GAK: variants seen among roughly 807,000 people sequenced by gnomAD.
The protein encoded by GAK is cyclin G associated kinase, also known as cyclin-G-associated kinase.
In GAK, 79 loss-of-function variants were observed where a neutral mutation model predicts 143.9. The ratio of observed to expected loss-of-function variants is 0.55; its 90% CI spans 0.46 to 0.66. The LOEUF (loss-of-function observed/expected upper bound fraction) is 0.66. Among genes scored for constraint, GAK ranks in the 30% least tolerant of loss-of-function variants. The pLI is 0.00. For missense variants in GAK, 1,693 were observed against 1,779.7 expected, an observed-to-expected ratio of 0.95 and a Z score of 0.88; for synonymous variants, 881 against 765.5, an observed-to-expected ratio of 1.15 and a Z score of -2.49.
intron 1 of GAK, among the ~76,000 whole-genome samples, chr4:928,901 C>CT (rs1323591978): frequency 6.6e-6 from 1 of 152,138 alleles, no homozygotes; most frequent in Admixed American, 6.5e-5. Flanking sequence ...GTAGCTGGGA[C>CT]TACAGGCATG....
At chr4:854,633 C>T (rs1478026130) in intron 24 of GAK, among the ~76,000 whole-genome samples, 1 of 152,222 alleles carries the variant, frequency 6.6e-6, no homozygotes, top group Non-Finnish European at 1.5e-5. Flanking sequence ...GGCCTGAGTC[C>T]TCTCTTCTCT....
At position 876,594 on chromosome 4, in the gene GAK, T is replaced by A; in HGVS notation, c.1990A>T (p.Met664Leu). ...CCCGTGTGGAACTGAATCTGGAACA[T>A]CTTCATGGATGCCATCTGCAAAGAG... is the stretch of plus-strand genomic sequence containing the variant. The part of the protein sequence containing the change: ...RLQAKMASMK[M>L]FQIQFHTGFV... Residue 664 changes from methionine to leucine, a missense_variant, in exon 18 of 28, where the codon ATG (methionine) becomes TTG (leucine). Transcript: ENST00000314167. 1 of 1,614,064 alleles carries A rather than the reference T, an allele frequency of 6.2e-7. No individual in the cohort carries two copies. The highest frequency in any genetic ancestry group is 8.5e-7 in the Non-Finnish European group (1 of 1,180,010).
chr4:872,966 C>T (rs977525363), intron 18 of GAK, among the ~76,000 whole-genome samples: 14 of 152,180 alleles, frequency 9.2e-5, no homozygotes, highest in African/African-American at 3.1e-4. Context: ...ACACGCCTCT[C>T]GCCCAGGCAC....
chr4:856,032 T>G (rs1485037170), intron 24 of GAK, among the ~76,000 whole-genome samples: 2 of 152,156 alleles, frequency 1.3e-5, no homozygotes, highest in Non-Finnish European at 2.9e-5. Context: ...CAGACTGGAG[T>G]GCAGTGATGC....
intron 24 of GAK, among the ~76,000 whole-genome samples, chr4:855,739 G>T (rs1749015461): frequency 6.6e-6 from 1 of 152,144 alleles, no homozygotes; most frequent in Non-Finnish European, 1.5e-5. Context: ...GAGGTCACTT[G>T]AGATCAGGAG....
chr4:865,358 C>T, intron 22 of GAK, 114 bp from the exon 23 acceptor site: 1 of 1,355,484 alleles, frequency 7.4e-7, no homozygotes, highest in South Asian at 1.2e-5. Flanking sequence ...TGCACCCAGG[C>T]TGAGCTGAGG....
At chr4:925,845 C>A (rs1159475118) in intron 1 of GAK, among the ~76,000 whole-genome samples, 1 of 152,228 alleles carries the variant, frequency 6.6e-6, no homozygotes, top group East Asian at 1.9e-4. Context: ...TTATAGGCCC[C>A]CAGTGTACGA....
chr4:926,133 C>A (rs545703099), intron 1 of GAK, among the ~76,000 whole-genome samples: 1 of 151,738 alleles, frequency 6.6e-6, no homozygotes, highest in Non-Finnish European at 1.5e-5. Flanking sequence ...GTGACCTCCC[C>A]GAACGTCTAA....
chr4:851,866 C>T lies in GAK; in HGVS notation c.3392G>A (p.Trp1131Ter). Reference protein sequence around the residue: ...TSRPPAQGASWPPQAKPPPKA... With the variant: ...TSRPPAQGAS ...GGGGGGCGGCTTGGCCTGAGGGGGC[C>T]ATGAGGCGCCCTGGGCTGGCGGCCG... Residue 1131 changes from tryptophan (W) to a stop codon, truncating the protein, a stop_gained, in exon 25 of 28, where the codon TGG becomes TAG. Coordinates refer to ENST00000314167, the MANE Select transcript of GAK (RefSeq NM_005255.4). LOFTEE classifies it high-confidence loss of function. 1 of 1,609,140 alleles carries T rather than the reference C, an allele frequency of 6.2e-7. No homozygotes were observed. The highest frequency in any genetic ancestry group is 1.7e-5 in the Admixed American group (1 of 59,482).
intron 15 of GAK, 77 bp from the exon 16 acceptor site, chr4:877,886 G>A (rs1232689466): frequency 1.5e-6 from 2 of 1,353,812 alleles, no homozygotes; most frequent in Non-Finnish European, 2.0e-6. Flanking sequence ...CTTTCGAATA[G>A]AAGTTTTTCA....
chr4:850,309 C>T, intron 26 of GAK: 1 of 435,890 alleles, frequency 2.3e-6, no homozygotes, highest in Non-Finnish European at 4.1e-6. Flanking sequence ...CTCGTCTCAG[C>T]CAGATGTTCA....
At chr4:852,108 C>G in intron 24 of GAK, 134 bp from the exon 25 acceptor site, 1 of 797,564 alleles carries the variant, frequency 1.3e-6, no homozygotes, top group South Asian at 1.6e-5. Context: ...CGAGGCCGTC[C>G]AGAGGTGCCG....
At chr4:916,271 T>C (rs1371434092) in intron 1 of GAK, among the ~76,000 whole-genome samples, 1 of 152,238 alleles carries the variant, frequency 6.6e-6, no homozygotes, top group East Asian at 1.9e-4. Context: ...CAATTTTTTT[T>C]TCTTCTGAGA....
Position 857,009 on chromosome 4 carries a change from CAT to C in GAK, c.3283+2595_3283+2596del, listed in dbSNP as rs1260968353. Among the ~76,000 whole-genome samples the C allele has an allele frequency of 3.3e-5, 5 of 152,350 alleles. No individual in the cohort carries two copies. In the East Asian group the frequency reaches 7.7e-4, roughly 23 times the overall value. Reference sequence around the variant, plus strand: ...CTTTTCTGCCTTGTTGATGTGACCACATGACTCTTCAGCCAGTTAATATGATA... The same window carrying C: ...CTTTTCTGCCTTGTTGATGTGACCACGACTCTTCAGCCAGTTAATATGATA... On this transcript the variant is annotated intron_variant, in intron 24 of 27. Coordinates refer to ENST00000314167, the MANE Select transcript of GAK (RefSeq NM_005255.4).
chr4:883,323 G>A lies in GAK; in HGVS notation c.1396C>T (p.His466Tyr). The A allele has an allele frequency of 6.2e-7, 1 of 1,613,318 alleles. No individual in the cohort carries two copies. Among genetic ancestry groups the A allele is most frequent in the Non-Finnish European group, 8.5e-7 (1 of 1,179,940 alleles). Residue 466 changes from histidine to tyrosine, a missense_variant, in exon 13 of 28, where the codon CAC becomes TAC. By Grantham distance (83) the His-to-Tyr change is moderately conservative. Transcript: ENST00000314167. ...SPRTYRPSRFHNRVSECGWAA... is the reference protein window; with the variant it reads ...SPRTYRPSRFYNRVSECGWAA... ...AGCCTGTGGCCACACACCCGGTTGT[G>A]GAACCTGGAGGGCCGGTAGGTCCTC...
In GAK at chr4:882,501, C is replaced by A. The variant is rs574384703; in HGVS notation, c.1527+196G>T. Among the ~76,000 whole-genome samples, 5 of 152,152 alleles carry A rather than the reference C, an allele frequency of 3.3e-5. No individual in the cohort carries two copies. In the East Asian group the frequency reaches 9.7e-4, roughly 30 times the overall value. On this transcript the variant is annotated intron_variant, in intron 14 of 27. Coordinates refer to ENST00000314167, the MANE Select transcript of GAK (RefSeq NM_005255.4). ...TGCAGGTCAAGGCCAGGAAGGGCCA[C>A]ATGGGGAGGGAAGGGCGGGGCCATC...
chr4:886,917 G>A (rs1716452063), intron 11 of GAK: 1 of 152,346 alleles, frequency 6.6e-6, no homozygotes, highest in Non-Finnish European at 1.5e-5. Context: ...ACTAAGAGCA[G>A]GTTTCTTTCC....
intron 24 of GAK, among the ~76,000 whole-genome samples, chr4:857,019 C>T (rs1393974936): frequency 6.6e-6 from 1 of 152,222 alleles, no homozygotes; most frequent in Non-Finnish European, 1.5e-5. Flanking sequence ...CATGACTCTT[C>T]AGCCAGTTAA....
intron 1 of GAK, among the ~76,000 whole-genome samples, chr4:917,968 A>G (rs1376378930): frequency 6.6e-6 from 1 of 152,258 alleles, no homozygotes; most frequent in African/African-American, 2.4e-5. Flanking sequence ...CTTTCATTAG[A>G]TAGAGGAGAA....
Sources: allele counts gnomAD v4.1 joint callset (sites outside exome capture counted in the v4.1 genomes callset), GRCh38; gene constraint gnomAD v4.1.1; transcripts MANE v1.5; gene names NCBI Gene and HGNC (gene_info 2026-07-23, HGNC 2026-07-21).